CNTNAP2: variants seen among roughly 807,000 people sequenced by gnomAD.
CNTNAP2 encodes the protein contactin associated protein 2, also known as contactin-associated protein-like 2.
In CNTNAP2, 98 loss-of-function variants were observed where a neutral mutation model predicts 155.2. The observed-to-expected ratio is 0.63, with a 90% CI of 0.54 to 0.75. The LOEUF (loss-of-function observed/expected upper bound fraction) is 0.75. Ranked by LOEUF, CNTNAP2 falls within the 30% of genes least tolerant of loss-of-function variation. CNTNAP2 has a pLI of 0.00. For synonymous variants in CNTNAP2, 651 were observed against 631.2 expected, an observed-to-expected ratio of 1.03 and a Z score of -0.47; for missense variants, 1,727 against 1,688.1, an observed-to-expected ratio of 1.02 and a Z score of -0.40.
At chr7:147,376,553 C>T (rs1032888257) in intron 9 of CNTNAP2, among the ~76,000 whole-genome samples, 6 of 152,000 alleles carry the variant, frequency 3.9e-5, no homozygotes, top group East Asian at 1.9e-4. Context: ...TCTCTCAGAG[C>T]GCCTTTTTCC....
At position 146,962,114 on chromosome 7, in the gene CNTNAP2, T is replaced by A. The variant is rs187113495; in HGVS notation, c.403-81793T>A. Among the ~76,000 whole-genome samples, 10 of 152,320 alleles carry A rather than the reference T, an allele frequency of 6.6e-5. No homozygotes were observed. In the East Asian group the frequency reaches 1.9e-3, roughly 29 times the overall value. On this transcript the variant is annotated intron_variant, in intron 3 of 23. Transcript: ENST00000361727. ...TGTTGTTCATTCAGTATAATTTGTTTTCTAACATAAACTTGATCTTTACTG... is the reference window on the plus strand; with the variant it reads ...TGTTGTTCATTCAGTATAATTTGTTATCTAACATAAACTTGATCTTTACTG...
chr7:147,192,612 A>G (rs571607249), intron 8 of CNTNAP2, among the ~76,000 whole-genome samples: 86 of 151,842 alleles, frequency 5.7e-4, no homozygotes, highest in Non-Finnish European at 1.8e-4. Flanking sequence ...AATATATTCT[A>G]TCTTAAAGAG....
At chr7:147,868,397 G>C (rs908054769) in intron 13 of CNTNAP2, among the ~76,000 whole-genome samples, 2 of 152,172 alleles carry the variant, frequency 1.3e-5, no homozygotes, top group African/African-American at 4.8e-5. Flanking sequence ...ATACTGGGAG[G>C]TGTCTCCCAG....
At chr7:148,008,345 C>G (rs1026374370) in intron 15 of CNTNAP2, among the ~76,000 whole-genome samples, 1 of 152,120 alleles carries the variant, frequency 6.6e-6, no homozygotes, top group Admixed American at 6.6e-5. Flanking sequence ...ACACTCCAGC[C>G]TGGGTGACAG....
chr7:146,630,035 GC>G (rs1799485253), intron 1 of CNTNAP2, among the ~76,000 whole-genome samples: 1 of 151,740 alleles, frequency 6.6e-6, no homozygotes, highest in Non-Finnish European at 1.5e-5. Context: ...AGAATGTGCA[GC>G]TTTGTTACCT....
At chr7:146,889,519 T>C (rs575661370) in intron 3 of CNTNAP2, among the ~76,000 whole-genome samples, 34 of 152,210 alleles carry the variant, frequency 2.2e-4, no homozygotes, top group African/African-American at 7.9e-4. Context: ...GACTTAAACC[T>C]CTATATTAAA....
chr7:148,227,884 C>CATGT (rs1795882220), intron 19 of CNTNAP2, among the ~76,000 whole-genome samples: 1 of 131,406 alleles, frequency 7.6e-6, no homozygotes, highest in Non-Finnish European at 1.6e-5. Context: ...AAGAGCACAG[C>CATGT]GTGTGTGTGT....
intron 15 of CNTNAP2, among the ~76,000 whole-genome samples, chr7:147,980,236 A>G (rs1801498091): frequency 6.6e-6 from 1 of 150,646 alleles, no homozygotes; most frequent in Admixed American, 6.7e-5. Context: ...GAAAGGAGCC[A>G]TAGAAGGTGT....
At chr7:148,233,184 G>A (rs750054078) in intron 20 of CNTNAP2, among the ~76,000 whole-genome samples, 2 of 152,320 alleles carry the variant, frequency 1.3e-5, no homozygotes, top group Non-Finnish European at 2.9e-5. Flanking sequence ...ATCCAAAAGC[G>A]AAACATTCTA....
Position 147,112,828 on chromosome 7 carries a change from T to TTTGTTGTTG in CNTNAP2, c.754+4501_754+4509dup, listed in dbSNP as rs142550469. Among the ~76,000 whole-genome samples the TTTGTTGTTG allele has an allele frequency of 2.2e-3, 333 of 151,534 alleles. 4 individuals carry two copies. Among genetic ancestry groups the TTTGTTGTTG allele is most frequent in the African/African-American group, 7.2e-3 (298 of 41,330 alleles). On this transcript the variant is annotated intron_variant, in intron 5 of 23. Coordinates refer to ENST00000361727, the MANE Select transcript of CNTNAP2 (RefSeq NM_014141.6). ...TTCATCAAAAATATTTGCCCGAAGT[T>TTTGTTGTTG]TTGTTGTTGTTGTTGTTGTTGTTGT...
chr7:147,253,584 A>G (rs906929110), intron 8 of CNTNAP2, among the ~76,000 whole-genome samples: 3 of 152,322 alleles, frequency 2.0e-5, no homozygotes, highest in African/African-American at 7.2e-5. Context: ...CAGAGAAAGA[A>G]TAACCAGGTG....
At chr7:146,652,111 A>T (rs1799924556) in intron 1 of CNTNAP2, among the ~76,000 whole-genome samples, 1 of 152,182 alleles carries the variant, frequency 6.6e-6, no homozygotes, top group Non-Finnish European at 1.5e-5. Flanking sequence ...CTTCCAAAAC[A>T]AGGACAGAAA....
intron 2 of CNTNAP2, among the ~76,000 whole-genome samples, chr7:146,781,125 G>C (rs369990375): frequency 2.6e-5 from 4 of 151,792 alleles, no homozygotes; most frequent in African/African-American, 9.7e-5. Flanking sequence ...CTACTCGGGA[G>C]GCTGAGACAG....
intron 19 of CNTNAP2, among the ~76,000 whole-genome samples, chr7:148,226,637 G>GA (rs11286523): frequency 0.01 from 1,578 of 151,966 alleles, 23 homozygotes; most frequent in African/African-American, 0.033. Context: ...CTGGAAAGGG[G>GA]AAAAAAAATG....
chr7:146,429,761 A>G (rs878946387), intron 1 of CNTNAP2, among the ~76,000 whole-genome samples: 1 of 152,120 alleles, frequency 6.6e-6, no homozygotes, highest in South Asian at 2.1e-4. Flanking sequence ...TTCCAATGCT[A>G]TGTTGAATAG....
rs113536471 is a variant in CNTNAP2, at chr7:146,140,905, A to G, written c.97+23932A>G. Reference sequence around the variant, plus strand: ...TTAGAGGGCGAAAATCGGAACCACTAGAACATCTTGCAATCTGCACGTCTG... The same window carrying G: ...TTAGAGGGCGAAAATCGGAACCACTGGAACATCTTGCAATCTGCACGTCTG... On this transcript the variant is annotated intron_variant, in intron 1 of 23. Coordinates refer to ENST00000361727, the MANE Select transcript of CNTNAP2 (RefSeq NM_014141.6). 4.0e-3 allele frequency among the ~76,000 whole-genome samples: 612 copies of G among 152,286 alleles called. 3 individuals carry two copies. The highest frequency in any genetic ancestry group is 0.017 in the Middle Eastern group (5 of 294).
At chr7:146,404,644 C>T (rs1384277025) in intron 1 of CNTNAP2, among the ~76,000 whole-genome samples, 1 of 152,138 alleles carries the variant, frequency 6.6e-6, no homozygotes, top group African/African-American at 2.4e-5. Context: ...CTACAAAGGC[C>T]TGCAGGATCT....
chr7:146,935,057 C>T (rs1168630655), intron 3 of CNTNAP2, among the ~76,000 whole-genome samples: 1 of 152,172 alleles, frequency 6.6e-6, no homozygotes. Flanking sequence ...TTCATAATTT[C>T]ACAATTGAGA....
At chr7:147,162,620 A>G (rs1219234811) in intron 8 of CNTNAP2, among the ~76,000 whole-genome samples, 1 of 152,138 alleles carries the variant, frequency 6.6e-6, no homozygotes, top group Non-Finnish European at 1.5e-5. Context: ...AAATCAAACC[A>G]CAGAATTTAG....
Sources: allele counts gnomAD v4.1 joint callset (sites outside exome capture counted in the v4.1 genomes callset), GRCh38; gene constraint gnomAD v4.1.1; transcripts MANE v1.5; gene names NCBI Gene and HGNC (gene_info 2026-07-23, HGNC 2026-07-21).